SLC35F3: variants seen among roughly 807,000 people sequenced by gnomAD.
SLC35F3 encodes solute carrier family 35 member F3.
In SLC35F3, 25 loss-of-function variants were observed where a neutral mutation model predicts 49.9. The ratio of observed to expected loss-of-function variants is 0.50; its 90% CI spans 0.37 to 0.70. The LOEUF is 0.70. Ranked by LOEUF, SLC35F3 falls within the 30% of genes least tolerant of loss-of-function variation. The probability of loss-of-function intolerance (pLI) is 0.00; values close to 1 mark genes in which losing one functional copy is unlikely to be tolerated. For synonymous variants in SLC35F3, 275 were observed against 265.4 expected (o/e 1.04, Z -0.35); for missense variants, 525 against 639.8 (o/e 0.82, Z 1.94).
chr1:233,955,124 A>G (rs114691416), intron 2 of SLC35F3, among the ~76,000 whole-genome samples: 7,685 of 152,158 alleles, frequency 0.051, 298 homozygotes, highest in East Asian at 0.1. Flanking sequence ...GATTACAGGC[A>G]CGAGCCACCG....
At chr1:233,997,599 TC>T (rs1465959560) in intron 2 of SLC35F3, among the ~76,000 whole-genome samples, 1 of 152,140 alleles carries the variant, frequency 6.6e-6, no homozygotes, top group Non-Finnish European at 1.5e-5. Flanking sequence ...CCTCCTACCC[TC>T]ATAATAAGCA....
intron 3 of SLC35F3, among the ~76,000 whole-genome samples, chr1:234,233,778 G>A (rs1231134373): frequency 2.0e-5 from 3 of 152,176 alleles, no homozygotes; most frequent in Non-Finnish European, 2.9e-5. Context: ...CAACTTTATT[G>A]GTAAACTGGT....
chr1:234,207,745 T>C (rs1653151876), intron 2 of SLC35F3, among the ~76,000 whole-genome samples: 1 of 152,192 alleles, frequency 6.6e-6, no homozygotes, highest in African/African-American at 2.4e-5. Context: ...GTCATGCCTA[T>C]AATCCTAGTG....
At chr1:234,298,611 T>C (rs925532303) in intron 3 of SLC35F3, among the ~76,000 whole-genome samples, 1 of 152,208 alleles carries the variant, frequency 6.6e-6, no homozygotes, top group Non-Finnish European at 1.5e-5. Flanking sequence ...TTAAAATACG[T>C]AAATTTCTGT....
At chr1:234,117,787 G>A (rs1172012530) in intron 2 of SLC35F3, among the ~76,000 whole-genome samples, 1 of 151,222 alleles carries the variant, frequency 6.6e-6, no homozygotes, top group Non-Finnish European at 1.5e-5. Context: ...TCAGGAGGCT[G>A]AGGCAGGAGA....
At chr1:234,060,739 A>C (rs941733957) in intron 2 of SLC35F3, among the ~76,000 whole-genome samples, 1 of 152,232 alleles carries the variant, frequency 6.6e-6, no homozygotes, top group South Asian at 2.1e-4. Context: ...GGCATGAGCT[A>C]CTGTGCCCCA....
chr1:234,318,257 T>C (rs934933213), intron 5 of SLC35F3, among the ~76,000 whole-genome samples: 1 of 152,192 alleles, frequency 6.6e-6, no homozygotes, highest in Non-Finnish European at 1.5e-5. Context: ...TTTGGTGCAT[T>C]CCACTAAAAC....
intron 2 of SLC35F3, among the ~76,000 whole-genome samples, chr1:234,055,553 G>C (rs530919140): frequency 6.6e-6 from 1 of 152,294 alleles, no homozygotes; most frequent in East Asian, 1.9e-4. Flanking sequence ...GGTACCGTCT[G>C]TCACGGCTTC....
chr1:234,317,036 T>C (rs1286567237), intron 5 of SLC35F3, among the ~76,000 whole-genome samples: 1 of 152,216 alleles, frequency 6.6e-6, no homozygotes, highest in Non-Finnish European at 1.5e-5. Flanking sequence ...ACATCATTGA[T>C]GGCAGCGAAC....
chr1:234,293,913 T>G (rs2102987147), intron 3 of SLC35F3, among the ~76,000 whole-genome samples: 1 of 152,384 alleles, frequency 6.6e-6, no homozygotes, highest in East Asian at 1.9e-4. Context: ...TGGGGTCATC[T>G]TCGTCTTACT....
At chr1:234,110,661 A>C (rs1665392575) in intron 2 of SLC35F3, among the ~76,000 whole-genome samples, 1 of 152,264 alleles carries the variant, frequency 6.6e-6, no homozygotes, top group South Asian at 2.1e-4. Flanking sequence ...GACAAATAAC[A>C]CAATTAGAAT....
rs1657432872 is a variant in SLC35F3, at chr1:234,314,356, G to A, written c.829-2246G>A. 2.0e-5 allele frequency among the ~76,000 whole-genome samples: 3 copies of A among 152,192 alleles called. No individual in the cohort carries two copies. The South Asian group carries it at 6.2e-4, about 31-fold the overall frequency. On this transcript the variant is annotated intron_variant, in intron 4 of 7. Coordinates refer to ENST00000366618, the MANE Select transcript of SLC35F3 (RefSeq NM_173508.4). ...ATTTAATCAATAGAGAACAGAGGAA[G>A]AGGTTGGAAATGTGCCCTGCAAGTC...
At chr1:234,148,688 T>C (rs2102907374) in intron 2 of SLC35F3, among the ~76,000 whole-genome samples, 1 of 152,314 alleles carries the variant, frequency 6.6e-6, no homozygotes, top group South Asian at 2.1e-4. Context: ...GTATAGATGG[T>C]GGTTTGACAA....
chr1:234,152,814 C>T (rs1266172275), intron 2 of SLC35F3, among the ~76,000 whole-genome samples: 2 of 152,186 alleles, frequency 1.3e-5, no homozygotes, highest in African/African-American at 4.8e-5. Context: ...CTGTCTTCCA[C>T]AATAGTTGAA....
chr1:233,925,828 G>T (rs1662148795), intron 2 of SLC35F3, among the ~76,000 whole-genome samples: 1 of 152,148 alleles, frequency 6.6e-6, no homozygotes, highest in South Asian at 2.1e-4. Context: ...GGCAGGCCTG[G>T]TGGTGACAAA....
intron 3 of SLC35F3, among the ~76,000 whole-genome samples, chr1:234,287,031 A>T (rs530875901): frequency 6.6e-6 from 1 of 152,052 alleles, no homozygotes; most frequent in African/African-American, 2.4e-5. Context: ...AGTTTCTACA[A>T]AAAGTTAAAA....
At chr1:234,257,790 G>A (rs1667845384) in intron 3 of SLC35F3, among the ~76,000 whole-genome samples, 1 of 152,202 alleles carries the variant, frequency 6.6e-6, no homozygotes, top group Non-Finnish European at 1.5e-5. Context: ...TGGCCGTATT[G>A]AGATTTAAAA....
chr1:234,051,592 C>T (rs1313881943), intron 2 of SLC35F3, among the ~76,000 whole-genome samples: 1 of 152,162 alleles, frequency 6.6e-6, no homozygotes, highest in African/African-American at 2.4e-5. Context: ...CAAACAGAGA[C>T]AATTTGACTT....
chr1:234,014,235 C>T (rs868383626), intron 2 of SLC35F3, among the ~76,000 whole-genome samples: 21 of 152,120 alleles, frequency 1.4e-4, no homozygotes, highest in Non-Finnish European at 1.9e-4. Flanking sequence ...GAAGGACAAA[C>T]GCCATATGAT....
Sources: gnomAD v4.1 joint callset for allele counts (sites outside exome capture counted in the v4.1 genomes callset) on GRCh38, gnomAD v4.1.1 for gene constraint, MANE v1.5 for transcripts, NCBI Gene and HGNC (gene_info 2026-07-23, HGNC 2026-07-21) for gene names.